KLF8: variants seen among roughly 807,000 people sequenced by gnomAD.
The protein encoded by KLF8 is Krueppel-like factor 8.
Under a neutral mutation model 18.2 loss-of-function variants are expected in KLF8, and 10 were observed. The observed-to-expected ratio is 0.55, with a 90% CI of 0.34 to 0.93. KLF8 has a LOEUF of 0.93. Ranked by LOEUF, KLF8 falls within the 40% of genes least tolerant of loss-of-function variation. The pLI is 0.02. For synonymous variants in KLF8, 109 were observed against 97.3 expected (o/e 1.12, Z -0.71); for missense variants, 264 against 277.9 (o/e 0.95, Z 0.36).
the KLF8 span, among the ~76,000 whole-genome samples, chrX:56,179,869 A>G: frequency 9.0e-6 from 1 of 111,541 alleles, no homozygotes; most frequent in Non-Finnish European, 1.9e-5. Context: ...AAGCTTTTTG[A>G]TGTGCTTCTG....
chrX:56,067,904 A>G, the KLF8 span, among the ~76,000 whole-genome samples: 6 of 112,375 alleles, frequency 5.3e-5, no homozygotes, highest in African/African-American at 9.7e-5. Context: ...GAGCAGTAAG[A>G]TTGCTTTACT....
chrX:56,064,942 G>T, the KLF8 span, among the ~76,000 whole-genome samples: 1 of 111,521 alleles, frequency 9.0e-6, no homozygotes, highest in Non-Finnish European at 1.9e-5. Context: ...GGCATGTAAG[G>T]TTTGCTGAGA....
At chrX:56,188,999 C>G in the KLF8 span, among the ~76,000 whole-genome samples, 8 of 111,698 alleles carry the variant, frequency 7.2e-5, no homozygotes, top group South Asian at 2.6e-3. Context: ...GCAATGGCAA[C>G]AAAAGCAAAA....
intron 5 of KLF8, among the ~76,000 whole-genome samples, chrX:56,277,416 A>T (rs2067137151): frequency 9.0e-6 from 1 of 111,692 alleles, no homozygotes; most frequent in African/African-American, 3.3e-5. Flanking sequence ...TAGAGGTTCC[A>T]CTTTGATGTT....
the KLF8 span, among the ~76,000 whole-genome samples, chrX:56,135,523 G>A: frequency 9.1e-6 from 1 of 110,234 alleles, no homozygotes; most frequent in Non-Finnish European, 1.9e-5. Context: ...GACACAGGAA[G>A]GGGAACATCA....
At chrX:56,185,797 T>C in the KLF8 span, among the ~76,000 whole-genome samples, 2 of 111,550 alleles carry the variant, frequency 1.8e-5, no homozygotes, top group Non-Finnish European at 3.8e-5. Flanking sequence ...GAAGGAGAAA[T>C]AAAATCCTTT....
chrX:56,130,560 A>T, the KLF8 span, among the ~76,000 whole-genome samples: 3 of 111,466 alleles, frequency 2.7e-5, no homozygotes, highest in Admixed American at 9.5e-5. Flanking sequence ...ATGGAACCAG[A>T]AAAACAATTC....
the KLF8 span, among the ~76,000 whole-genome samples, chrX:55,994,231 CTT>C: frequency 1.1e-3 from 110 of 99,215 alleles, no homozygotes; most frequent in Middle Eastern, 9.9e-3. Flanking sequence ...TCTTAATAGA[CTT>C]TTTTTTTTTC....
the KLF8 span, among the ~76,000 whole-genome samples, chrX:55,947,498 G>A: frequency 2.2e-5 from 2 of 89,217 alleles, no homozygotes; most frequent in African/African-American, 8.2e-5. Context: ...GGGGTGGAGG[G>A]AGGGGGGAGG....
chrX:56,092,615 A>G, the KLF8 span, among the ~76,000 whole-genome samples: 1 of 110,896 alleles, frequency 9.0e-6, no homozygotes, highest in Non-Finnish European at 1.9e-5. Flanking sequence ...TTGGTTCTCT[A>G]TTCTGTTCCA....
At chrX:55,987,670 T>A in the KLF8 span, among the ~76,000 whole-genome samples, 1 of 112,307 alleles carries the variant, frequency 8.9e-6, no homozygotes, top group South Asian at 3.7e-4. Flanking sequence ...TACATGTGCA[T>A]GTGTCTTTAT....
the KLF8 span, among the ~76,000 whole-genome samples, chrX:56,204,337 T>C: frequency 8.9e-6 from 1 of 111,953 alleles, no homozygotes; most frequent in South Asian, 3.7e-4. Flanking sequence ...TTTTAGGCTT[T>C]TGCAAATATA....
the KLF8 span, among the ~76,000 whole-genome samples, chrX:56,162,218 T>G: frequency 3.6e-5 from 4 of 112,155 alleles, no homozygotes; most frequent in East Asian, 2.8e-4. Context: ...TTGGGGGTCA[T>G]GGACCCACTT....
chrX:55,938,389 A>T, the KLF8 span, among the ~76,000 whole-genome samples: 1 of 111,967 alleles, frequency 8.9e-6, no homozygotes, highest in Non-Finnish European at 1.9e-5. Context: ...AAACATGGAA[A>T]GGAAAAACCA....
chrX:56,058,961 CCCA>C, the KLF8 span, among the ~76,000 whole-genome samples: 1 of 111,908 alleles, frequency 8.9e-6, no homozygotes, highest in Non-Finnish European at 1.9e-5. Context: ...AATTGCCACT[CCCA>C]CCAACAGTGT....
intron 5 of KLF8, 136 bp downstream of exon 5, chrX:56,270,457 A>G (rs1279957645): frequency 1.3e-6 from 1 of 754,611 alleles, no homozygotes; most frequent in Non-Finnish European, 1.8e-6. Flanking sequence ...TCTGAGAGAC[A>G]GAGAATGAAG....
chrX:55,962,181 C>T, the KLF8 span: 1 of 159,868 alleles, frequency 6.3e-6, no homozygotes, highest in Middle Eastern at 2.2e-3. Flanking sequence ...TTCTACCATT[C>T]TTAACACCGA....
At chrX:56,222,239 C>A in the KLF8 span, among the ~76,000 whole-genome samples, 1 of 111,375 alleles carries the variant, frequency 9.0e-6, no homozygotes, top group East Asian at 2.8e-4. Flanking sequence ...ATTTACAAAC[C>A]TTGAGCTAGA....
chrX:56,056,678 T>C, the KLF8 span, among the ~76,000 whole-genome samples: 4 of 89,372 alleles, frequency 4.5e-5, no homozygotes, highest in Non-Finnish European at 8.7e-5. Context: ...AGGGATAACA[T>C]TGGGAGATAT....
Sources: gnomAD v4.1 joint callset for allele counts (sites outside exome capture counted in the v4.1 genomes callset) on GRCh38, gnomAD v4.1.1 for gene constraint, MANE v1.5 for transcripts, NCBI Gene and HGNC (gene_info 2026-07-23, HGNC 2026-07-21) for gene names.